DTWD2: variants seen among roughly 807,000 people sequenced by gnomAD.
DTWD2 encodes DTW motif tRNA-uridine aminocarboxypropyltransferase 2, also known as tRNA-uridine aminocarboxypropyltransferase 2.
A neutral mutation model predicts 31.8 loss-of-function variants in DTWD2; 39 were observed. The observed-to-expected ratio is 1.22, with a 90% CI of 0.95 to 1.60. DTWD2 has a LOEUF of 1.60. DTWD2 is among the 40% of genes most tolerant of loss of function. DTWD2 has a pLI of 0.00. For synonymous variants in DTWD2, 180 were observed against 142.8 expected (o/e 1.26, Z -1.86); for missense variants, 515 against 381.5 (o/e 1.35, Z -2.92).
chr5:118,954,507 T>C (rs1754541776), intron 1 of DTWD2, among the ~76,000 whole-genome samples: 2 of 151,964 alleles, frequency 1.3e-5, no homozygotes, highest in African/African-American at 4.8e-5. Context: ...TATTGCTGAA[T>C]ACATAAAGGA....
At chr5:118,938,216 A>T (rs561008856) in intron 3 of DTWD2, among the ~76,000 whole-genome samples, 1 of 151,584 alleles carries the variant, frequency 6.6e-6, no homozygotes, top group South Asian at 2.1e-4. Context: ...TGCGGCAAGG[A>T]AAAAAAAAGG....
intron 4 of DTWD2, among the ~76,000 whole-genome samples, chr5:118,852,466 G>C (rs761571715): frequency 6.6e-6 from 1 of 152,094 alleles, no homozygotes; most frequent in Admixed American, 6.5e-5. Flanking sequence ...ACTCCAGCTG[G>C]TCCCTCCGTT....
intron 2 of DTWD2, among the ~76,000 whole-genome samples, chr5:118,940,296 A>G (rs1176843270): frequency 2.6e-5 from 4 of 152,186 alleles, no homozygotes; most frequent in Non-Finnish European, 4.4e-5. Context: ...ACATTTTCCA[A>G]TGTTTAATAC....
intron 4 of DTWD2, among the ~76,000 whole-genome samples, chr5:118,885,079 C>G (rs1157382632): frequency 6.7e-6 from 1 of 148,212 alleles, no homozygotes; most frequent in East Asian, 2.0e-4. Context: ...GAAGCCAAGG[C>G]AGGAGGACTG....
chr5:118,936,707 T>C (rs1218675747), intron 3 of DTWD2, among the ~76,000 whole-genome samples: 1 of 151,404 alleles, frequency 6.6e-6, no homozygotes, highest in South Asian at 2.1e-4. Flanking sequence ...TTATCTAATC[T>C]TCTACTAAAA....
At chr5:118,860,429 T>G (rs576656768) in intron 4 of DTWD2, among the ~76,000 whole-genome samples, 65 of 152,064 alleles carry the variant, frequency 4.3e-4, no homozygotes, top group African/African-American at 1.5e-3. Flanking sequence ...TATACCATAG[T>G]TTATTCAAAC....
intron 1 of DTWD2, among the ~76,000 whole-genome samples, chr5:118,975,670 A>G (rs1755137575): frequency 6.6e-6 from 1 of 152,124 alleles, no homozygotes; most frequent in Admixed American, 6.5e-5. Context: ...GGATTTATCT[A>G]CCTTTGGTCT....
chr5:118,846,737 A>T (rs1217897952), intron 5 of DTWD2, among the ~76,000 whole-genome samples: 2 of 152,146 alleles, frequency 1.3e-5, no homozygotes, highest in South Asian at 4.1e-4. Context: ...TGGGGTATAT[A>T]AAGTACTATG....
At chr5:118,861,584 A>T (rs879273466) in intron 4 of DTWD2, among the ~76,000 whole-genome samples, 21 of 132,328 alleles carry the variant, frequency 1.6e-4, no homozygotes, top group Non-Finnish European at 2.1e-4. Context: ...ATTTTTTTTT[A>T]AAAAAGAATA....
chr5:118,848,963 T>C (rs906165227), intron 4 of DTWD2, among the ~76,000 whole-genome samples: 2 of 152,208 alleles, frequency 1.3e-5, no homozygotes, highest in African/African-American at 2.4e-5. Flanking sequence ...GACACAGGCA[T>C]GGGCAAAGAC....
At chr5:118,950,099 A>G (rs1042041254) in intron 1 of DTWD2, among the ~76,000 whole-genome samples, 3 of 149,730 alleles carry the variant, frequency 2.0e-5, no homozygotes, top group Non-Finnish European at 3.0e-5. Context: ...CATCCCAGCT[A>G]TTCAGGAGGT....
At chr5:118,907,528 C>T (rs377759080) in intron 4 of DTWD2, among the ~76,000 whole-genome samples, 2 of 151,988 alleles carry the variant, frequency 1.3e-5, no homozygotes, top group Non-Finnish European at 2.9e-5. Context: ...GTCAGCAGTT[C>T]GAGACCAGCC....
chr5:118,981,622 A>G (rs1338522612), intron 1 of DTWD2, among the ~76,000 whole-genome samples: 5 of 152,046 alleles, frequency 3.3e-5, no homozygotes, highest in Non-Finnish European at 7.4e-5. Context: ...GCACAGTGGC[A>G]CCTTCTTACC....
In DTWD2 at chr5:118,929,155, A is replaced by T. The variant is rs532465513; in HGVS notation, c.405-426T>A. On this transcript the variant is annotated intron_variant, in intron 3 of 5. Transcript: ENST00000510708. ...GGCAAAATCGAGTAGCAATGGAAGA[A>T]CCATAAAGAGAAGTTCGGTTGCATA... 7.1e-4 allele frequency among the ~76,000 whole-genome samples: 108 copies of T among 152,376 alleles called. 1 individual carries two copies. Among genetic ancestry groups the T allele is most frequent in the Middle Eastern group, 3.4e-3 (1 of 294 alleles).
At chr5:118,955,997 T>C (rs1357663826) in intron 1 of DTWD2, among the ~76,000 whole-genome samples, 2 of 152,148 alleles carry the variant, frequency 1.3e-5, no homozygotes, top group African/African-American at 4.8e-5. Flanking sequence ...CAACTGGGTA[T>C]AGGTTTGGGG....
chr5:118,848,735 A>G (rs1249421496), intron 4 of DTWD2, among the ~76,000 whole-genome samples: 1 of 152,222 alleles, frequency 6.6e-6, no homozygotes, highest in African/African-American at 2.4e-5. Flanking sequence ...ATCTACAACC[A>G]TCTGATCTTT....
chr5:118,944,419 T>G (rs1442729109), intron 2 of DTWD2, 140 bp downstream of exon 2: 22 of 810,724 alleles, frequency 2.7e-5, no homozygotes, highest in Non-Finnish European at 4.2e-5. Context: ...AAGAAACTAT[T>G]TTTTCCAAAA....
chr5:118,903,020 T>C (rs554546491), intron 4 of DTWD2, among the ~76,000 whole-genome samples: 3 of 152,134 alleles, frequency 2.0e-5, no homozygotes, highest in Non-Finnish European at 4.4e-5. Flanking sequence ...ACTAATAAAT[T>C]TCTATGTTTT....
chr5:118,840,931 TATTC>T lies in DTWD2; in HGVS notation c.879_882del (p.Met293IlefsTer15). 4 of 1,613,480 alleles carry T rather than the reference TATTC, an allele frequency of 2.5e-6. No homozygotes were observed. The highest frequency in any genetic ancestry group is 1.7e-4 in the Middle Eastern group (1 of 6,058). On this transcript the variant is annotated frameshift_variant, in exon 6 of 6. Coordinates refer to ENST00000510708, the MANE Select transcript of DTWD2 (RefSeq NM_173666.4). LOFTEE classifies it high-confidence loss of function. The stretch of plus-strand genomic sequence containing the variant: ...GAATAACTGTACTAAATTTTAACAC[TATTC>T]ATTAACAATTCCATTTTCCTGAGTT...
Sources: allele counts gnomAD v4.1 joint callset (sites outside exome capture counted in the v4.1 genomes callset), GRCh38; gene constraint gnomAD v4.1.1; transcripts MANE v1.5; gene names NCBI Gene and HGNC (gene_info 2026-07-23, HGNC 2026-07-21).